The following PCDH15 variants were observed in gnomAD, a reference collection of about 807,000 sequenced individuals.
The protein encoded by PCDH15 is protocadherin related 15, also known as protocadherin-15.
In PCDH15, 129 loss-of-function variants were observed where a neutral mutation model predicts 178.5. That is an observed-to-expected ratio of 0.72 (90% CI 0.63 to 0.84). The LOEUF is 0.84. Ranked by LOEUF, PCDH15 falls within the 40% of genes least tolerant of loss-of-function variation. The pLI is 0.00. For synonymous variants in PCDH15, 800 were observed against 732.0 expected (o/e 1.09, Z -1.50); for missense variants, 2,230 against 2,099.9 (o/e 1.06, Z -1.21).
intron 23 of PCDH15, among the ~76,000 whole-genome samples, chr10:53,946,904 G>A (rs2086621709): frequency 6.6e-6 from 1 of 152,076 alleles, no homozygotes; most frequent in Admixed American, 6.5e-5. Context: ...AGCCTCCTGA[G>A]TAGCTGGGAT....
chr10:55,061,781 G>A lies in PCDH15; in HGVS notation c.-80+104795C>T, dbSNP rs569740971. Among the ~76,000 whole-genome samples, 13 of 152,304 alleles carry A rather than the reference G, an allele frequency of 8.5e-5. No homozygotes were observed. In the East Asian group the frequency reaches 2.5e-3, roughly 29 times the overall value. ...TACGCCTGTAATCCCAGGACTTTGGGAGGCCGAGGAGTGGGGGATCACGAG... is the reference window on the plus strand; with the variant it reads ...TACGCCTGTAATCCCAGGACTTTGGAAGGCCGAGGAGTGGGGGATCACGAG... On this transcript the variant is annotated intron_variant, in intron 2 of 5. Transcript: ENST00000458638.
chr10:54,351,107 T>TA (rs35267443), intron 5 of PCDH15, among the ~76,000 whole-genome samples: 46 of 146,136 alleles, frequency 3.1e-4, no homozygotes, highest in East Asian at 1.0e-3. Context: ...TGTCTCAATT[T>TA]AAAAAAAAAA....
intron 2 of PCDH15, among the ~76,000 whole-genome samples, chr10:55,049,823 A>G (rs550965911): frequency 6.6e-6 from 1 of 152,182 alleles, no homozygotes; most frequent in East Asian, 1.9e-4. Context: ...TATGAGTTGT[A>G]TAACTATTTT....
chr10:53,878,849 T>G lies in PCDH15; in HGVS notation c.3502-11992A>C, dbSNP rs189101160. On this transcript the variant is annotated intron_variant, in intron 26 of 37. Transcript: ENST00000644397. ...CATCAATAATTAGAATTGAAAGATT[T>G]GAGTTTAGTTCTACCACTTATTAGA... Among the ~76,000 whole-genome samples the G allele has an allele frequency of 1.8e-3, 274 of 152,276 alleles. 2 individuals carry two copies. Among genetic ancestry groups the G allele is most frequent in the African/African-American group, 6.5e-3 (271 of 41,564 alleles).
intron 2 of PCDH15, among the ~76,000 whole-genome samples, chr10:55,091,582 G>A (rs1842318757): frequency 6.6e-6 from 1 of 151,836 alleles, no homozygotes; most frequent in Admixed American, 6.6e-5. Context: ...CATCTCTAAT[G>A]ACACATATAA....
chr10:55,385,826 C>T (rs556979571), intron 2 of PCDH15, among the ~76,000 whole-genome samples: 4 of 147,494 alleles, frequency 2.7e-5, no homozygotes, highest in South Asian at 2.1e-4. Context: ...CATATATATA[C>T]GTATATATAC....
chr10:54,611,227 C>G (rs1419701051), intron 2 of PCDH15, among the ~76,000 whole-genome samples: 1 of 151,592 alleles, frequency 6.6e-6, no homozygotes, highest in Admixed American at 6.6e-5. Flanking sequence ...ATGGAGTCCC[C>G]TTGCAAAATT....
At chr10:54,391,513 T>G (rs1052602887) in intron 3 of PCDH15, among the ~76,000 whole-genome samples, 2 of 150,754 alleles carry the variant, frequency 1.3e-5, no homozygotes, top group Non-Finnish European at 2.9e-5. Context: ...GAGGTGTGAG[T>G]AGGGTATAGG....
At chr10:55,218,352 A>C (rs981247930) in intron 1 of PCDH15, among the ~76,000 whole-genome samples, 1 of 152,012 alleles carries the variant, frequency 6.6e-6, no homozygotes, top group Admixed American at 6.6e-5. Context: ...AAATAATAGG[A>C]AGCAGATGAA....
intron 2 of PCDH15, among the ~76,000 whole-genome samples, chr10:55,577,778 C>T (rs1220628319): frequency 1.3e-5 from 2 of 152,140 alleles, no homozygotes; most frequent in Admixed American, 6.6e-5. Flanking sequence ...TAACAGCATT[C>T]TTAAATGTGA....
At chr10:55,431,864 T>C (rs535020001) in intron 2 of PCDH15, among the ~76,000 whole-genome samples, 4 of 152,148 alleles carry the variant, frequency 2.6e-5, no homozygotes, top group Non-Finnish European at 5.9e-5. Context: ...ATGATTCCAT[T>C]TCCCTCCTCT....
chr10:54,559,212 C>G (rs1415460084), intron 2 of PCDH15, among the ~76,000 whole-genome samples: 1 of 151,904 alleles, frequency 6.6e-6, no homozygotes, highest in Non-Finnish European at 1.5e-5. Flanking sequence ...AAGGATAGAG[C>G]TTACTACAAC....
intron 1 of PCDH15, among the ~76,000 whole-genome samples, chr10:55,220,713 C>CAT (rs1411403459): frequency 6.6e-6 from 1 of 151,950 alleles, no homozygotes; most frequent in African/African-American, 2.4e-5. Flanking sequence ...GGGGCATGAT[C>CAT]ATATACACAA....
chr10:53,868,727 C>G (rs905624593), intron 26 of PCDH15, among the ~76,000 whole-genome samples: 2 of 152,154 alleles, frequency 1.3e-5, no homozygotes, highest in African/African-American at 4.8e-5. Flanking sequence ...TAAAACGTTT[C>G]CAGATAATCA....
At chr10:54,160,590 A>G (rs76318775) in intron 13 of PCDH15, among the ~76,000 whole-genome samples, 2,085 of 152,282 alleles carry the variant, frequency 0.014, 42 homozygotes, top group African/African-American at 0.047. Flanking sequence ...TTTCTCTACC[A>G]AAAACATAAG....
At chr10:55,204,104 T>C (rs988791908) in intron 1 of PCDH15, among the ~76,000 whole-genome samples, 23 of 149,062 alleles carry the variant, frequency 1.5e-4, no homozygotes, top group Non-Finnish European at 2.5e-4. Context: ...TTATATATCA[T>C]ATACTTATAT....
intron 25 of PCDH15, among the ~76,000 whole-genome samples, chr10:53,906,244 T>C (rs1360893759): frequency 6.6e-6 from 1 of 150,620 alleles, no homozygotes; most frequent in African/African-American, 2.5e-5. Context: ...TAATGTAAAA[T>C]AGACTAGTCT....
intron 21 of PCDH15, among the ~76,000 whole-genome samples, chr10:53,964,744 T>C (rs2088810439): frequency 1.3e-5 from 2 of 152,202 alleles, no homozygotes; most frequent in South Asian, 2.1e-4. Flanking sequence ...CCACTGAAGA[T>C]TTATAGAAAC....
intron 1 of PCDH15, among the ~76,000 whole-genome samples, chr10:55,191,794 T>C (rs893076583): frequency 1.3e-5 from 2 of 151,870 alleles, no homozygotes; most frequent in African/African-American, 4.8e-5. Context: ...AGCCCAAACA[T>C]TTGGGATTTT....
Sources: gnomAD v4.1 joint callset for allele counts (sites outside exome capture counted in the v4.1 genomes callset) on GRCh38, gnomAD v4.1.1 for gene constraint, MANE v1.5 for transcripts, NCBI Gene and HGNC (gene_info 2026-07-23, HGNC 2026-07-21) for gene names.